The following UTS2B variants were observed in gnomAD, a reference collection of about 807,000 sequenced individuals.
UTS2B encodes the protein urotensin 2B, also known as urotensin-2B.
A neutral mutation model predicts 19.2 loss-of-function variants in UTS2B; 21 were observed. That is an observed-to-expected ratio of 1.09 (90% CI 0.78 to 1.58). UTS2B has a LOEUF of 1.58. Among genes scored for constraint, UTS2B ranks in the 40% most tolerant of loss-of-function variants. UTS2B has a pLI of 0.00. For missense variants in UTS2B, 138 were observed against 130.3 expected (o/e 1.06, Z -0.29); for synonymous variants, 57 against 50.2 (o/e 1.14, Z -0.58).
intron 3 of UTS2B, among the ~76,000 whole-genome samples, chr3:191,305,996 T>C (rs1429914028): frequency 1.3e-5 from 2 of 152,214 alleles, no homozygotes; most frequent in Non-Finnish European, 2.9e-5. Context: ...GTCTAATTTC[T>C]ATGTTCTCTA....
intron 4 of UTS2B, among the ~76,000 whole-genome samples, chr3:191,292,080 C>T (rs769932796): frequency 6.7e-5 from 10 of 149,918 alleles, no homozygotes; most frequent in Non-Finnish European, 1.5e-4. Flanking sequence ...GTATCCCTTG[C>T]ATTTCCATAT....
intron 2 of UTS2B, among the ~76,000 whole-genome samples, chr3:191,317,547 C>T (rs993759127): frequency 3.3e-5 from 5 of 149,812 alleles, no homozygotes; most frequent in Admixed American, 2.0e-4. Flanking sequence ...AGCACGTTGT[C>T]ACCTCTCATT....
At chr3:191,309,159 T>C (rs1252521727) in intron 3 of UTS2B, among the ~76,000 whole-genome samples, 1 of 152,092 alleles carries the variant, frequency 6.6e-6, no homozygotes, top group Admixed American at 6.5e-5. Flanking sequence ...GGACTGGCTT[T>C]CTTGTTTTGT....
At chr3:191,288,412 T>C (rs1716615626) in intron 4 of UTS2B, among the ~76,000 whole-genome samples, 1 of 152,156 alleles carries the variant, frequency 6.6e-6, no homozygotes, top group Non-Finnish European at 1.5e-5. Context: ...AGCATGCCAC[T>C]GGCATAACAA....
At chr3:191,315,305 G>T (rs1352047222) in intron 3 of UTS2B, among the ~76,000 whole-genome samples, 1 of 152,122 alleles carries the variant, frequency 6.6e-6, no homozygotes, top group Non-Finnish European at 1.5e-5. Context: ...GAGCCACCAC[G>T]CCCGGCCTAC....
intron 1 of UTS2B, chr3:191,328,952 T>C (rs1238152004): frequency 6.6e-6 from 1 of 152,284 alleles, no homozygotes; most frequent in Non-Finnish European, 1.5e-5. Flanking sequence ...GGGGTTTTTA[T>C]GGCCATCTAC....
chr3:191,343,847 T>G, the UTS2B span, among the ~76,000 whole-genome samples: 2 of 152,340 alleles, frequency 1.3e-5, no homozygotes, highest in Non-Finnish European at 2.9e-5. Flanking sequence ...AGAATTGAAC[T>G]CCTCTAACTA....
intron 3 of UTS2B, among the ~76,000 whole-genome samples, chr3:191,309,780 T>A (rs1037875231): frequency 6.6e-6 from 1 of 152,156 alleles, no homozygotes; most frequent in African/African-American, 2.4e-5. Flanking sequence ...CTGCTCTAGC[T>A]GTATGAAATG....
At chr3:191,319,899 T>A (rs55868217) in intron 2 of UTS2B, among the ~76,000 whole-genome samples, 15,413 of 150,442 alleles carry the variant, frequency 0.1, 2,637 homozygotes, top group African/African-American at 0.35. Flanking sequence ...TTTTTTTTTT[T>A]AAAAACCTTA....
intron 3 of UTS2B, among the ~76,000 whole-genome samples, chr3:191,315,019 T>TC (rs1717409046): frequency 1.3e-5 from 2 of 151,944 alleles, no homozygotes; most frequent in African/African-American, 4.8e-5. Context: ...TAGAATTTTT[T>TC]TTTTTTTTTT....
At chr3:191,270,012 A>T (rs931715878) in intron 8 of UTS2B, among the ~76,000 whole-genome samples, 1 of 152,254 alleles carries the variant, frequency 6.6e-6, no homozygotes, top group African/African-American at 2.4e-5. Context: ...TTTTAGCATG[A>T]TGCTAGGAGT....
In UTS2B at chr3:191,318,491, C is replaced by T. The variant is rs142689266; in HGVS notation, c.-585-2052G>A. 6.2e-4 allele frequency among the ~76,000 whole-genome samples: 95 copies of T among 152,206 alleles called. No individual in the cohort carries two copies. The East Asian group carries it at 9.7e-3, about 15-fold the overall frequency. ...TATGTTTTATTTTTTATTTTTGAGA[C>T]GCAATCTCACTCTGTCACCCAGGCT... On this transcript the variant is annotated intron_variant, in intron 2 of 8. Transcript: ENST00000340524.
chr3:191,269,357 T>C (rs898844687), intron 8 of UTS2B, among the ~76,000 whole-genome samples: 3 of 152,210 alleles, frequency 2.0e-5, no homozygotes, highest in African/African-American at 7.2e-5. Flanking sequence ...TTTTATGATA[T>C]CACTCAGAGC....
chr3:191,276,627 T>C (rs985789078), intron 7 of UTS2B, among the ~76,000 whole-genome samples, 180 bp downstream of exon 7: 1 of 152,218 alleles, frequency 6.6e-6, no homozygotes, highest in Admixed American at 6.6e-5. Context: ...AGTTTTGTTT[T>C]GTTTTGTGTT....
upstream of UTS2B, among the ~76,000 whole-genome samples, chr3:191,335,295 A>G (rs1432336531): frequency 6.6e-6 from 1 of 152,210 alleles, no homozygotes; most frequent in Non-Finnish European, 1.5e-5. Flanking sequence ...GAGAAAACAA[A>G]CATTCAAACA....
intron 4 of UTS2B, among the ~76,000 whole-genome samples, chr3:191,285,698 A>G (rs915144006): frequency 2.6e-5 from 4 of 152,110 alleles, no homozygotes; most frequent in African/African-American, 9.7e-5. Flanking sequence ...ACAGGAGATC[A>G]AGACCATCCT....
In UTS2B at chr3:191,268,087, T is replaced by A. The variant is rs569159320; in HGVS notation, c.*329A>T. On this transcript the variant is annotated 3_prime_UTR_variant, in exon 9 of 9. Transcript: ENST00000340524. ...CAGGCGCCTTCCATGCATCCGTTTA[T>A]AGGCTCTCCACGAGGGGCGCATTCC... is the stretch of plus-strand genomic sequence containing the variant. 8.6e-5 allele frequency: 16 copies of A among 185,168 alleles called. No individual in the cohort carries two copies. Among genetic ancestry groups the A allele is most frequent in the Middle Eastern group, 2.2e-3 (1 of 464 alleles). 11.5% of individuals were successfully genotyped at this position (185,168 alleles called of 1,614,324 possible). A position where few individuals can be genotyped will look rare whatever the true frequency, so the allele number is the denominator to read the frequency against.
At chr3:191,312,333 A>G (rs1425395700) in intron 3 of UTS2B, among the ~76,000 whole-genome samples, 1 of 152,122 alleles carries the variant, frequency 6.6e-6, no homozygotes, top group Admixed American at 6.5e-5. Context: ...TCCTGAGGAC[A>G]CCAAAAGTCA....
the UTS2B span, among the ~76,000 whole-genome samples, chr3:191,341,961 T>C: frequency 6.6e-6 from 1 of 152,330 alleles, no homozygotes; most frequent in South Asian, 2.1e-4. Flanking sequence ...TAGGCAGATA[T>C]AGCTCCTGAT....
Sources: gnomAD v4.1 joint callset for allele counts (sites outside exome capture counted in the v4.1 genomes callset) on GRCh38, gnomAD v4.1.1 for gene constraint, MANE v1.5 for transcripts, NCBI Gene and HGNC (gene_info 2026-07-23, HGNC 2026-07-21) for gene names.